BPTF: variants seen among roughly 807,000 people sequenced by gnomAD.
The protein encoded by BPTF is nucleosome-remodeling factor subunit BPTF.
Under a neutral mutation model 292.5 loss-of-function variants are expected in BPTF, and 18 were observed. The ratio of observed to expected loss-of-function variants is 0.06; its 90% CI spans 0.04 to 0.09. BPTF has a LOEUF of 0.09. Among genes scored for constraint, BPTF ranks in the 10% least tolerant of loss-of-function variants. The pLI, the probability that BPTF is intolerant of heterozygous loss-of-function variation, is 1.00. For synonymous variants in BPTF, 1,225 were observed against 1,251.9 expected (o/e 0.98, Z 0.45); for missense variants, 2,726 against 3,498.7 (o/e 0.78, Z 5.57).
chr17:67,971,594 A>C (rs997887350), intron 26 of BPTF, among the ~76,000 whole-genome samples: 36 of 151,412 alleles, frequency 2.4e-4, no homozygotes, highest in African/African-American at 6.4e-4. Flanking sequence ...TCATGAGTTC[A>C]AGAGTTCAAG....
chr17:67,846,768 T>C (rs2081191341), intron 1 of BPTF, among the ~76,000 whole-genome samples: 1 of 152,150 alleles, frequency 6.6e-6, no homozygotes, highest in Non-Finnish European at 1.5e-5. Context: ...TGGTACAGTC[T>C]GGGCTCACTG....
chr17:67,868,510 T>C (rs895865071), intron 3 of BPTF, among the ~76,000 whole-genome samples: 1 of 152,216 alleles, frequency 6.6e-6, no homozygotes, highest in African/African-American at 2.4e-5. Context: ...CTGAGAATAC[T>C]GTATTTTCAA....
At chr17:67,841,550 T>C (rs1175878457) in intron 1 of BPTF, among the ~76,000 whole-genome samples, 1 of 152,128 alleles carries the variant, frequency 6.6e-6, no homozygotes, top group Admixed American at 6.6e-5. Context: ...AATTTATATA[T>C]CATGATATTC....
chr17:67,879,969 A>T (rs1041006168), intron 4 of BPTF, among the ~76,000 whole-genome samples: 2 of 152,190 alleles, frequency 1.3e-5, no homozygotes, highest in African/African-American at 4.8e-5. Context: ...GGCAGGACAA[A>T]CATCTAAACT....
At chr17:67,843,165 TATAG>T (rs1479054069) in intron 1 of BPTF, among the ~76,000 whole-genome samples, 1 of 148,512 alleles carries the variant, frequency 6.7e-6, no homozygotes, top group South Asian at 2.2e-4. Flanking sequence ...TATCTACATA[TATAG>T]ATACATATAG....
chr17:67,875,831 A>G, intron 4 of BPTF: 1 of 1,134,758 alleles, frequency 8.8e-7, no homozygotes, highest in African/African-American at 1.6e-5. Flanking sequence ...AAAACCTTAA[A>G]CTATGTGTTC....
At chr17:67,858,563 A>G (rs1214748502) in intron 2 of BPTF, among the ~76,000 whole-genome samples, 2 of 139,626 alleles carry the variant, frequency 1.4e-5, no homozygotes, top group Non-Finnish European at 2.9e-5. Flanking sequence ...TCCAAAAAAA[A>G]AAAAAAAAAA....
intron 3 of BPTF, 109 bp from the exon 4 acceptor site, chr17:67,874,708 A>T: frequency 1.5e-6 from 1 of 688,498 alleles, no homozygotes; most frequent in Middle Eastern, 4.1e-4. Flanking sequence ...AAAAATACTT[A>T]ATTTTTCCTC....
chr17:67,955,980 T>G (rs1598901641), intron 23 of BPTF: 1 of 151,806 alleles, frequency 6.6e-6, no homozygotes, highest in Admixed American at 6.6e-5. Flanking sequence ...AAACCCTGTT[T>G]CTACAAAAAA....
At chr17:67,859,304 C>A (rs2058932070) in intron 2 of BPTF, among the ~76,000 whole-genome samples, 1 of 152,038 alleles carries the variant, frequency 6.6e-6, no homozygotes, top group Admixed American at 6.6e-5. Flanking sequence ...TGCCACCGTG[C>A]CCAGCTAATT....
At chr17:67,937,486 G>A (rs2065009494) in intron 18 of BPTF, among the ~76,000 whole-genome samples, 1 of 152,176 alleles carries the variant, frequency 6.6e-6, no homozygotes, top group Admixed American at 6.6e-5. Flanking sequence ...GAAATTTTAG[G>A]AAGGATGGCC....
At chr17:67,898,793 C>T (rs1447668700) in intron 7 of BPTF, among the ~76,000 whole-genome samples, 1 of 151,176 alleles carries the variant, frequency 6.6e-6, no homozygotes, top group Non-Finnish European at 1.5e-5. Flanking sequence ...GGTGGCTCTC[C>T]CACCTGTAAT....
Position 67,919,218 on chromosome 17 carries a change from T to TAATAATAAA in BPTF, c.5428+382_5428+383insTAATAAAAA, listed in dbSNP as rs367551787. On this transcript the variant is annotated intron_variant, in intron 12 of 27. Coordinates refer to ENST00000306378, the MANE Select transcript of BPTF (RefSeq NM_182641.4). ...ATAATAATAATAATAATAATAATAATAAAATATAATGCTTGTTTTTTAGAA... is the reference window on the plus strand; with the variant it reads ...ATAATAATAATAATAATAATAATAATAATAATAAAAAAATATAATGCTTGTTTTTTAGAA... Among the ~76,000 whole-genome samples, 32 of 126,252 alleles carry TAATAATAAA rather than the reference T, an allele frequency of 2.5e-4. No individual in the cohort carries two copies. The East Asian group carries it at 2.9e-3, about 12-fold the overall frequency. 82.8% of individuals were successfully genotyped at this position (126,252 alleles called of 152,430 possible). A position where few individuals can be genotyped will look rare whatever the true frequency, so the allele number is the denominator to read the frequency against.
At chr17:67,897,887 C>T (rs749387196) in intron 7 of BPTF, among the ~76,000 whole-genome samples, 9 of 152,056 alleles carry the variant, frequency 5.9e-5, no homozygotes, top group Admixed American at 5.2e-4. Context: ...AAAATTATGG[C>T]CCTGTCTTCT....
At chr17:67,889,136 G>A (rs189918548) in intron 4 of BPTF, among the ~76,000 whole-genome samples, 2 of 151,998 alleles carry the variant, frequency 1.3e-5, no homozygotes, top group African/African-American at 2.4e-5. Context: ...TAGATCTGTA[G>A]CCTGCTGCCA....
At chr17:67,832,053 C>CT (rs1193134987) in intron 1 of BPTF, among the ~76,000 whole-genome samples, 2 of 152,008 alleles carry the variant, frequency 1.3e-5, no homozygotes, top group African/African-American at 4.8e-5. Flanking sequence ...CCACGCCCGT[C>CT]TAATTTTTGT....
At chr17:67,981,984 A>T (rs532909505) in intron 27 of BPTF, 1 of 136,218 alleles carries the variant, frequency 7.3e-6, no homozygotes, top group Non-Finnish European at 1.5e-5. Context: ...TTATTAGACA[A>T]ATATATATAT....
chr17:67,921,569 C>A (rs116269658), intron 13 of BPTF, among the ~76,000 whole-genome samples: 2,206 of 152,024 alleles, frequency 0.015, 58 homozygotes, highest in African/African-American at 0.051. Flanking sequence ...AGATAATGTC[C>A]TTAGATAGAA....
rs553802458 is a variant in BPTF, at chr17:67,835,721, G to A, written c.613+9384G>A. On this transcript the variant is annotated intron_variant, in intron 1 of 27. Coordinates refer to ENST00000306378, the MANE Select transcript of BPTF (RefSeq NM_182641.4). Reference sequence around the variant, plus strand: ...CGCTCTGTCGCCCAGGCTGGAGTGCGGTGGCGCGATTTCGGCTCACTGTGA... The same window carrying A: ...CGCTCTGTCGCCCAGGCTGGAGTGCAGTGGCGCGATTTCGGCTCACTGTGA... 5.4e-4 allele frequency among the ~76,000 whole-genome samples: 82 copies of A among 150,976 alleles called. 1 individual carries two copies. The highest frequency in any genetic ancestry group is 1.7e-3 in the South Asian group (8 of 4,754).
Sources: gnomAD v4.1 joint callset for allele counts (sites outside exome capture counted in the v4.1 genomes callset) on GRCh38, gnomAD v4.1.1 for gene constraint, MANE v1.5 for transcripts, NCBI Gene and HGNC (gene_info 2026-07-23, HGNC 2026-07-21) for gene names.